Variants in GRID2 observed in about 807,000 individuals in gnomAD.
GRID2 encodes glutamate ionotropic receptor delta type subunit 2.
GRID2 carries 33 observed loss-of-function variants against 114.8 expected under a neutral mutation model. The ratio of observed to expected loss-of-function variants is 0.29; its 90% CI spans 0.22 to 0.38. The LOEUF (loss-of-function observed/expected upper bound fraction) is 0.38. Among genes scored for constraint, GRID2 ranks in the 10% least tolerant of loss-of-function variants. The pLI is 1.00. For synonymous variants in GRID2, 505 were observed against 449.9 expected (o/e 1.12, Z -1.55); for missense variants, 1,184 against 1,257.7 (o/e 0.94, Z 0.89).
At chr4:92,591,562 AT>A (rs1348440905) in intron 2 of GRID2, among the ~76,000 whole-genome samples, 1 of 152,056 alleles carries the variant, frequency 6.6e-6, no homozygotes, top group Non-Finnish European at 1.5e-5. Flanking sequence ...GTTGGGCAGG[AT>A]TTTTTTTGTA....
intron 1 of GRID2, among the ~76,000 whole-genome samples, chr4:92,424,865 T>C (rs1052092820): frequency 9.9e-5 from 15 of 151,956 alleles, no homozygotes; most frequent in Admixed American, 7.9e-4. Flanking sequence ...AATTCAAAAG[T>C]TGCTTGTAAC....
chr4:92,854,925 G>A (rs1234257353), intron 2 of GRID2, among the ~76,000 whole-genome samples: 1 of 151,908 alleles, frequency 6.6e-6, no homozygotes, highest in Non-Finnish European at 1.5e-5. Flanking sequence ...ATATCCATTT[G>A]GAAAGGAAAT....
At chr4:92,486,547 T>TCTCACACACA in intron 1 of GRID2, among the ~76,000 whole-genome samples, 1 of 137,170 alleles carries the variant, frequency 7.3e-6, no homozygotes, top group East Asian at 2.1e-4. Context: ...TCTCTCTCTT[T>TCTCACACACA]CACACACACA....
At chr4:92,661,105 A>G (rs1732490991) in intron 2 of GRID2, among the ~76,000 whole-genome samples, 1 of 150,804 alleles carries the variant, frequency 6.6e-6, no homozygotes, top group African/African-American at 2.4e-5. Flanking sequence ...GACAGTATGG[A>G]GGCGTTATTC....
At chr4:92,706,272 A>G (rs1734953334) in intron 2 of GRID2, among the ~76,000 whole-genome samples, 1 of 152,212 alleles carries the variant, frequency 6.6e-6, no homozygotes, top group African/African-American at 2.4e-5. Context: ...AGTTGTAAAT[A>G]TCAGGGTTAT....
chr4:93,778,702 A>G (rs1734421141), downstream of GRID2, among the ~76,000 whole-genome samples: 1 of 152,124 alleles, frequency 6.6e-6, no homozygotes, highest in African/African-American at 2.4e-5. Flanking sequence ...CCAGTCTTAT[A>G]TCATTTGACT....
chr4:93,633,482 T>C (rs1459293286), intron 14 of GRID2, among the ~76,000 whole-genome samples: 3 of 152,118 alleles, frequency 2.0e-5, no homozygotes, highest in African/African-American at 7.2e-5. Context: ...TAGTGCCCAC[T>C]TTCTTGTTTA....
intron 2 of GRID2, among the ~76,000 whole-genome samples, chr4:92,710,274 G>GAGTT (rs144881120): frequency 0.26 from 39,791 of 151,760 alleles, 5,372 homozygotes; most frequent in East Asian, 0.42. Flanking sequence ...ATTGCTAAAA[G>GAGTT]AGAAGAAAAT....
At chr4:92,553,568 T>A (rs1436062338) in intron 1 of GRID2, among the ~76,000 whole-genome samples, 2 of 152,196 alleles carry the variant, frequency 1.3e-5, no homozygotes, top group Non-Finnish European at 2.9e-5. Flanking sequence ...ATCTCACTTA[T>A]TTTTTAATTG....
intron 14 of GRID2, among the ~76,000 whole-genome samples, chr4:93,690,133 C>T (rs116337944): frequency 0.014 from 2,149 of 152,006 alleles, 46 homozygotes; most frequent in African/African-American, 0.049. Context: ...ACAGTAGCTA[C>T]ACCAAACTTT....
rs75498665 is a variant in GRID2, at chr4:93,454,474, T to C, written c.1546-1188T>C. 1.9e-3 allele frequency among the ~76,000 whole-genome samples: 289 copies of C among 152,122 alleles called. 5 individuals carry two copies. Among genetic ancestry groups the C allele is most frequent in the East Asian group, 0.018 (94 of 5,168 alleles). On this transcript the variant is annotated intron_variant, in intron 10 of 15. Transcript: ENST00000282020. ...CGAAATGGAGAGGAAAACACATAATTCATAGTTCATTGTAAGGACTAAGTA... is the reference window on the plus strand; with the variant it reads ...CGAAATGGAGAGGAAAACACATAATCCATAGTTCATTGTAAGGACTAAGTA...
At chr4:93,742,520 C>G (rs1731505120) in intron 14 of GRID2, among the ~76,000 whole-genome samples, 1 of 152,200 alleles carries the variant, frequency 6.6e-6, no homozygotes, top group Non-Finnish European at 1.5e-5. Context: ...TTATGTCAAC[C>G]CTGCAAGTCT....
intron 2 of GRID2, among the ~76,000 whole-genome samples, chr4:92,894,411 A>G (rs775972911): frequency 7.9e-5 from 12 of 152,160 alleles, no homozygotes; most frequent in African/African-American, 1.2e-4. Context: ...AGGATAGACT[A>G]TAAACCAAGT....
intron 2 of GRID2, among the ~76,000 whole-genome samples, chr4:93,083,839 TAATA>T (rs1399926551): frequency 6.6e-6 from 1 of 152,086 alleles, no homozygotes; most frequent in Non-Finnish European, 1.5e-5. Context: ...GGCTTAGCAT[TAATA>T]AATTAATAAT....
intron 2 of GRID2, among the ~76,000 whole-genome samples, chr4:93,044,289 G>A (rs1725911201): frequency 6.6e-6 from 1 of 151,984 alleles, no homozygotes; most frequent in Non-Finnish European, 1.5e-5. Context: ...TATATCTTTG[G>A]AAGATATTTA....
rs1197276566 is a variant in GRID2, at chr4:93,709,540, T to C, written c.2361-59670T>C. On this transcript the variant is annotated intron_variant, in intron 14 of 15. Transcript: ENST00000282020. Reference sequence around the variant, plus strand: ...TCCTTGACCTTTGGGAGTTTGATTATTAAATGCCTTGAGGTAGTATTCTTT... The same window carrying C: ...TCCTTGACCTTTGGGAGTTTGATTACTAAATGCCTTGAGGTAGTATTCTTT... 3.3e-5 allele frequency among the ~76,000 whole-genome samples: 5 copies of C among 152,202 alleles called. No homozygotes were observed. In the South Asian group the frequency reaches 1.0e-3, roughly 31 times the overall value.
chr4:93,623,596 C>CA (rs1352514432), intron 13 of GRID2, among the ~76,000 whole-genome samples: 7 of 152,116 alleles, frequency 4.6e-5, no homozygotes, highest in African/African-American at 1.4e-4. Context: ...AAATGTCCAA[C>CA]AATGATAGAC....
At chr4:93,538,656 T>C (rs1345206620) in intron 13 of GRID2, among the ~76,000 whole-genome samples, 3 of 151,734 alleles carry the variant, frequency 2.0e-5, no homozygotes, top group Admixed American at 2.0e-4. Context: ...TCCACTACCA[T>C]GGTATTCTTT....
chr4:93,127,985 C>T (rs1734428264), intron 4 of GRID2, among the ~76,000 whole-genome samples: 1 of 135,928 alleles, frequency 7.4e-6, no homozygotes, highest in South Asian at 2.4e-4. Flanking sequence ...TGAGCCACTG[C>T]ACTCCAGCTT....
Sources: allele counts gnomAD v4.1 joint callset (sites outside exome capture counted in the v4.1 genomes callset), GRCh38; gene constraint gnomAD v4.1.1; transcripts MANE v1.5; gene names NCBI Gene and HGNC (gene_info 2026-07-23, HGNC 2026-07-21).